The following RNLS variants were observed in gnomAD, a reference collection of about 807,000 sequenced individuals.
The protein encoded by RNLS is renalase.
RNLS carries 39 observed loss-of-function variants against 39.8 expected under a neutral mutation model. That is an observed-to-expected ratio of 0.98 (90% confidence interval 0.76 to 1.28). RNLS has a LOEUF of 1.28. Ranked by LOEUF, RNLS falls within the 50% of genes most tolerant of loss-of-function variation. The pLI, the probability that RNLS is intolerant of heterozygous loss-of-function variation, is 0.00. For missense variants in RNLS, 410 were observed against 413.3 expected (o/e 0.99, Z 0.07); for synonymous variants, 147 against 150.7 (o/e 0.98, Z 0.18).
downstream of RNLS, among the ~76,000 whole-genome samples, chr10:88,273,706 T>G (rs373676594): frequency 3.0e-4 from 45 of 152,310 alleles, no homozygotes; most frequent in African/African-American, 1.1e-3. Flanking sequence ...TAGATGAAAT[T>G]TATTGAGTTA....
At chr10:88,344,879 A>G (rs1218376486) in intron 5 of RNLS, among the ~76,000 whole-genome samples, 2 of 152,124 alleles carry the variant, frequency 1.3e-5, no homozygotes, top group Non-Finnish European at 2.9e-5. Flanking sequence ...ATTTCAAGAG[A>G]TTCTTTTCTG....
intron 4 of RNLS, among the ~76,000 whole-genome samples, chr10:88,434,657 ATAAACT>A (rs1215879971): frequency 1.3e-5 from 2 of 152,176 alleles, no homozygotes; most frequent in Non-Finnish European, 2.9e-5. Context: ...GTGATTATAC[ATAAACT>A]TAAAAGCCTG....
chr10:88,416,409 A>C (rs1854031442), intron 4 of RNLS, among the ~76,000 whole-genome samples: 1 of 151,884 alleles, frequency 6.6e-6, no homozygotes, highest in African/African-American at 2.4e-5. Flanking sequence ...ATGTGCCAAC[A>C]CGCCCGGCTA....
chr10:88,394,794 T>C (rs1852447394), intron 4 of RNLS, among the ~76,000 whole-genome samples: 2 of 152,254 alleles, frequency 1.3e-5, no homozygotes, highest in South Asian at 2.1e-4. Context: ...GGAACCAACC[T>C]AAATGTCCAA....
the RNLS span, among the ~76,000 whole-genome samples, chr10:88,223,356 A>G: frequency 6.6e-6 from 1 of 152,212 alleles, no homozygotes; most frequent in African/African-American, 2.4e-5. Context: ...GCTACGAGAA[A>G]CCATAATGTA....
intron 4 of RNLS, among the ~76,000 whole-genome samples, chr10:88,482,682 T>G (rs1413132261): frequency 6.6e-6 from 1 of 152,168 alleles, no homozygotes; most frequent in East Asian, 1.9e-4. Flanking sequence ...TCTATGATAA[T>G]TTTTTCCTTG....
intron 5 of RNLS, among the ~76,000 whole-genome samples, chr10:88,316,953 C>G (rs537454668): frequency 6.6e-6 from 1 of 151,942 alleles, no homozygotes; most frequent in South Asian, 2.1e-4. Flanking sequence ...AGAATTTAAA[C>G]GTGATCAAAG....
chr10:88,325,029 T>C (rs565739803), intron 5 of RNLS, among the ~76,000 whole-genome samples: 130 of 152,332 alleles, frequency 8.5e-4, no homozygotes, highest in African/African-American at 2.8e-3. Flanking sequence ...TGTCACAATT[T>C]GCTTATCCAT....
At position 88,362,733 on chromosome 10, in the gene RNLS, A is replaced by C; in HGVS notation, c.527-8T>G. On this transcript the variant is annotated splice_polypyrimidine_tract_variant and splice_region_variant and intron_variant, in intron 4 of 6. Coordinates refer to ENST00000331772, the MANE Select transcript of RNLS (RefSeq NM_001031709.3). ...TTTGGCATTCACTAATTACTGTGGA[A>C]GAAAAAATAAAAGGCATCAAACTTA... 1 of 1,606,262 alleles carries C rather than the reference A, an allele frequency of 6.2e-7. No homozygotes were observed. The highest frequency in any genetic ancestry group is 8.5e-7 in the Non-Finnish European group (1 of 1,177,138).
At chr10:88,236,534 T>C in the RNLS span, among the ~76,000 whole-genome samples, 4 of 152,150 alleles carry the variant, frequency 2.6e-5, no homozygotes, top group Non-Finnish European at 5.9e-5. Context: ...CCAAGGTAAA[T>C]GGTTGCTCAA....
At chr10:88,368,327 T>C (rs1450504991) in intron 4 of RNLS, among the ~76,000 whole-genome samples, 1 of 152,110 alleles carries the variant, frequency 6.6e-6, no homozygotes, top group Non-Finnish European at 1.5e-5. Flanking sequence ...CACTAGATTG[T>C]AAGCAACTTG....
chr10:88,193,602 T>C, the RNLS span, among the ~76,000 whole-genome samples: 2 of 152,270 alleles, frequency 1.3e-5, no homozygotes, highest in South Asian at 4.1e-4. Flanking sequence ...ATATCACATA[T>C]GCTTCCCTGA....
intron 4 of RNLS, among the ~76,000 whole-genome samples, chr10:88,390,389 A>G (rs1852124195): frequency 1.3e-5 from 2 of 152,164 alleles, no homozygotes. Context: ...ACTAAATAAA[A>G]CTCTCATTCC....
chr10:88,554,107 C>T (rs1848732103), intron 4 of RNLS, among the ~76,000 whole-genome samples: 1 of 151,612 alleles, frequency 6.6e-6, no homozygotes, highest in South Asian at 2.1e-4. Context: ...TGAGCAACAT[C>T]ACCAACCAAA....
intron 4 of RNLS, among the ~76,000 whole-genome samples, chr10:88,366,761 C>A (rs573373711): frequency 5.0e-4 from 75 of 151,288 alleles, no homozygotes; most frequent in Admixed American, 9.9e-4. Flanking sequence ...ACCAAGTCCC[C>A]TCTGCTTTAA....
the RNLS span, among the ~76,000 whole-genome samples, chr10:88,201,603 A>G: frequency 6.6e-6 from 1 of 152,128 alleles, no homozygotes; most frequent in Non-Finnish European, 1.5e-5. Flanking sequence ...TGGATCCTCC[A>G]GTCCCAGGTG....
chr10:88,183,111 T>C, the RNLS span, among the ~76,000 whole-genome samples: 1 of 152,188 alleles, frequency 6.6e-6, no homozygotes, highest in Non-Finnish European at 1.5e-5. Flanking sequence ...AGAAGGTACT[T>C]TCAGTTGTCT....
At chr10:88,505,874 T>G (rs1242470209) in intron 4 of RNLS, among the ~76,000 whole-genome samples, 1 of 152,132 alleles carries the variant, frequency 6.6e-6, no homozygotes, top group East Asian at 1.9e-4. Context: ...GTTATCAGTG[T>G]GAAAAATGTG....
the RNLS span, among the ~76,000 whole-genome samples, chr10:88,231,165 A>G: frequency 6.6e-6 from 1 of 152,234 alleles, no homozygotes; most frequent in Non-Finnish European, 1.5e-5. Flanking sequence ...GTACCTCAGA[A>G]TGTGACTGTA....
Sources: allele counts gnomAD v4.1 joint callset (sites outside exome capture counted in the v4.1 genomes callset), GRCh38; gene constraint gnomAD v4.1.1; transcripts MANE v1.5; gene names NCBI Gene and HGNC (gene_info 2026-07-23, HGNC 2026-07-21).